PALM2AKAP2: variants seen among roughly 807,000 people sequenced by gnomAD.
PALM2AKAP2 encodes PALM2-AKAP2 fusion protein.
PALM2AKAP2 carries 37 observed loss-of-function variants against 71.5 expected under a neutral mutation model. The observed-to-expected ratio is 0.52, with a 90% confidence interval of 0.40 to 0.68. The LOEUF is 0.68. Among genes scored for constraint, PALM2AKAP2 ranks in the 30% least tolerant of loss-of-function variants. The pLI is 0.00. For synonymous variants in PALM2AKAP2, 468 were observed against 478.8 expected, an observed-to-expected ratio of 0.98 and a Z score of 0.29; for missense variants, 1,224 against 1,191.8, an observed-to-expected ratio of 1.03 and a Z score of -0.40.
intron 1 of PALM2AKAP2, chr9:109,640,949 C>G: frequency 2.8e-6 from 4 of 1,441,564 alleles, no homozygotes; most frequent in Non-Finnish European, 3.6e-6. Flanking sequence ...AGATCCCGCT[C>G]GGGTCCGCGT....
Position 109,819,318 on chromosome 9 carries a change from C to T in PALM2AKAP2, c.45+38785C>T, listed in dbSNP as rs192017966. Among the ~76,000 whole-genome samples, 9 of 152,262 alleles carry T rather than the reference C, an allele frequency of 5.9e-5. No individual in the cohort carries two copies. The East Asian group carries it at 1.5e-3, about 26-fold the overall frequency. On this transcript the variant is annotated intron_variant, in intron 1 of 9. Transcript: ENST00000302798. ...GAAATTTCACAAAGGCTTTTACATT[C>T]GTGTAATCCAGATGAGAAATGAAGA...
chr9:110,139,464 T>C (rs976353805), intron 2 of PALM2AKAP2, among the ~76,000 whole-genome samples: 4 of 152,240 alleles, frequency 2.6e-5, no homozygotes, highest in Non-Finnish European at 5.9e-5. Flanking sequence ...TGAAAACTCC[T>C]ATTGCAATGT....
chr9:109,896,328 A>G (rs1273158144), intron 3 of PALM2AKAP2, among the ~76,000 whole-genome samples: 1 of 152,206 alleles, frequency 6.6e-6, no homozygotes, highest in Non-Finnish European at 1.5e-5. Flanking sequence ...TATGGGAACT[A>G]TAATTCAAGA....
At chr9:110,013,873 G>C (rs1452287397) in intron 6 of PALM2AKAP2, among the ~76,000 whole-genome samples, 1 of 152,180 alleles carries the variant, frequency 6.6e-6, no homozygotes, top group Non-Finnish European at 1.5e-5. Context: ...TAGAAATGCT[G>C]GAGTATGGCA....
intron 3 of PALM2AKAP2, among the ~76,000 whole-genome samples, chr9:110,168,151 A>G (rs1836780308): frequency 6.6e-6 from 1 of 152,344 alleles, no homozygotes; most frequent in African/African-American, 2.4e-5. Flanking sequence ...AGAACATTTC[A>G]TGAAAATTAA....
chr9:109,742,906 G>T (rs1828736544), intron 1 of PALM2AKAP2, among the ~76,000 whole-genome samples: 1 of 152,142 alleles, frequency 6.6e-6, no homozygotes, highest in African/African-American at 2.4e-5. Context: ...CAAAAAGCAT[G>T]CTTGTCAGAC....
In PALM2AKAP2 at chr9:110,069,816, C is replaced by T. The variant is rs533752259; in HGVS notation, c.156+20961C>T. Among the ~76,000 whole-genome samples the T allele has an allele frequency of 3.3e-5, 5 of 152,308 alleles. No homozygotes were observed. In the South Asian group the frequency reaches 6.2e-4, roughly 19 times the overall value. ...AGTCCCCGTGGTCAGTCACATGCAC[C>T]GGCTTCCGCCTGGTATGATTTATCA... On this transcript the variant is annotated intron_variant, in intron 1 of 3. Transcript: ENST00000374525.
rs573839856 is a variant in PALM2AKAP2 at position 110,025,354 on chromosome 9, G to A, written c.582+9315G>A. ...GCCTCTCCTCTTTCCCTTTGTGTTCGTCATTTTGGCGAATTACTGGAAGAT... is the reference window on the plus strand; with the variant it reads ...GCCTCTCCTCTTTCCCTTTGTGTTCATCATTTTGGCGAATTACTGGAAGAT... On this transcript the variant is annotated intron_variant, in intron 7 of 9. Transcript: ENST00000302798. 1.1e-5 allele frequency: 13 copies of A among 1,131,456 alleles called. No individual in the cohort carries two copies. In the East Asian group the frequency reaches 1.4e-4, roughly 12 times the overall value. The allele number at this position is 1,131,456 out of a possible 1,614,324, so 70.1% of individuals were successfully genotyped here. A position where few individuals can be genotyped will look rare whatever the true frequency, so the allele number is the denominator to read the frequency against.
chr9:109,952,331 T>C (rs1831660378), intron 6 of PALM2AKAP2, among the ~76,000 whole-genome samples: 1 of 152,198 alleles, frequency 6.6e-6, no homozygotes. Context: ...CATGAAAGAA[T>C]GAATGAAGAG....
At chr9:109,653,850 G>A (rs997172341) in intron 1 of PALM2AKAP2, among the ~76,000 whole-genome samples, 2 of 152,288 alleles carry the variant, frequency 1.3e-5, no homozygotes, top group South Asian at 2.1e-4. Context: ...CATAGTAGGC[G>A]AGTCTGATGA....
intron 1 of PALM2AKAP2, among the ~76,000 whole-genome samples, chr9:109,840,970 G>A (rs1445978279): frequency 6.6e-6 from 1 of 152,114 alleles, no homozygotes; most frequent in Non-Finnish European, 1.5e-5. Flanking sequence ...GATAGCTCAG[G>A]GATCTAGAAC....
At chr9:109,742,843 C>T (rs898999406) in intron 1 of PALM2AKAP2, among the ~76,000 whole-genome samples, 2 of 152,162 alleles carry the variant, frequency 1.3e-5, no homozygotes, top group Non-Finnish European at 2.9e-5. Flanking sequence ...CTCAACTTCC[C>T]TTGAAAATTT....
At chr9:109,983,864 T>TAAAAA (rs75307914) in intron 6 of PALM2AKAP2, among the ~76,000 whole-genome samples, 1 of 139,794 alleles carries the variant, frequency 7.2e-6, no homozygotes, top group Non-Finnish European at 1.6e-5. Flanking sequence ...GACCCTGACT[T>TAAAAA]AAAAAAAAAA....
At chr9:109,843,094 C>T (rs1387585401) in intron 1 of PALM2AKAP2, among the ~76,000 whole-genome samples, 5 of 131,834 alleles carry the variant, frequency 3.8e-5, no homozygotes, top group South Asian at 2.4e-4. Context: ...GAGCCGAGAT[C>T]GCGCCATTGC....
chr9:109,854,897 A>G (rs920429842), intron 1 of PALM2AKAP2, among the ~76,000 whole-genome samples: 8 of 147,032 alleles, frequency 5.4e-5, no homozygotes, highest in African/African-American at 1.8e-4. Context: ...CAGCCTCCTG[A>G]GTAGCTGGGA....
chr9:110,066,353 G>A (rs960456583), intron 1 of PALM2AKAP2, among the ~76,000 whole-genome samples: 12 of 152,118 alleles, frequency 7.9e-5, no homozygotes, highest in African/African-American at 2.2e-4. Context: ...TCTGTAAAAC[G>A]CAGATAATAG....
chr9:109,819,713 G>GTA (rs1463804879), intron 1 of PALM2AKAP2, among the ~76,000 whole-genome samples: 13 of 149,024 alleles, frequency 8.7e-5, no homozygotes, highest in Admixed American at 2.0e-4. Context: ...GTATGTGTGT[G>GTA]TGTGTGTGTG....
At chr9:109,730,905 G>GAA (rs528638434) in intron 1 of PALM2AKAP2, among the ~76,000 whole-genome samples, 157 of 144,856 alleles carry the variant, frequency 1.1e-3, no homozygotes, top group African/African-American at 3.7e-3. Context: ...TTTGCCAGTG[G>GAA]AAAAAAAAAA....
At chr9:110,101,141 C>T (rs961029534) in intron 1 of PALM2AKAP2, among the ~76,000 whole-genome samples, 4 of 152,146 alleles carry the variant, frequency 2.6e-5, no homozygotes, top group African/African-American at 9.7e-5. Context: ...CATCTGGGGT[C>T]CGTTGCACAA....
Sources: allele counts gnomAD v4.1 joint callset (sites outside exome capture counted in the v4.1 genomes callset), GRCh38; gene constraint gnomAD v4.1.1; transcripts MANE v1.5; gene names NCBI Gene and HGNC (gene_info 2026-07-23, HGNC 2026-07-21).